The following AIFM1 variants were observed in gnomAD, a reference collection of about 807,000 sequenced individuals.
AIFM1 encodes the protein apoptosis inducing factor mitochondria associated 1.
A neutral mutation model predicts 51.7 loss-of-function variants in AIFM1; 3 were observed. The observed-to-expected ratio is 0.06, with a 90% CI of 0.03 to 0.15. The LOEUF (loss-of-function observed/expected upper bound fraction) is 0.15. AIFM1 is among the 10% of genes least tolerant of loss of function. The pLI is 1.00. For missense variants in AIFM1, 330 were observed against 476.8 expected (o/e 0.69, Z 2.87); for synonymous variants, 178 against 179.4 (o/e 0.99, Z 0.06).
At chrX:130,162,646 G>C (rs2031389343) in intron 1 of AIFM1, among the ~76,000 whole-genome samples, 2 of 112,062 alleles carry the variant, frequency 1.8e-5, no homozygotes, top group Admixed American at 9.5e-5. Context: ...AGTCACATTT[G>C]GCAGTGTCCA....
rs1175521163 is a variant in AIFM1 at position 130,130,113 on chromosome X, T to C, written c.1627A>G (p.Ile543Val). The C allele has an allele frequency of 1.6e-5, 19 of 1,209,983 alleles. 1 individual carries two copies. The highest frequency in any genetic ancestry group is 6.6e-5 in the Admixed American group (3 of 45,707). The change falls in exon 15 of 16, where the codon ATT (isoleucine) becomes GTT (valine). Residue 543 changes from isoleucine (I) to valine (V), a missense_variant. By Grantham distance (29) the Ile-to-Val change is conservative. Around this residue, in one of 4 missense-constraint regions of AIFM1, gnomAD observed 56 missense variants for 48.8 expected, o/e 1.15. Transcript: ENST00000287295. ...ETESEASEIT[I>V]PPSTPAVPQA... Reference sequence around the variant, plus strand: ...GGAACTGCCGGGGTGCTGGGAGGAATAGTAATTTCTGAGGCCTCGGACTCT... The same window carrying C: ...GGAACTGCCGGGGTGCTGGGAGGAACAGTAATTTCTGAGGCCTCGGACTCT...
rs775860841 is a variant in AIFM1, at chrX:130,130,174, C to T, written c.1574-8G>A. On this transcript the variant is annotated splice_region_variant and splice_polypyrimidine_tract_variant and intron_variant, in intron 14 of 15. Transcript: ENST00000287295. The stretch of plus-strand genomic sequence containing the variant: ...CTGATCGGATACCAGTTCCTGTGGC[C>T]AGCCCCCAAAACAAATAAACATGGA... The T allele has an allele frequency of 1.7e-6, 2 of 1,211,398 alleles. No homozygotes were observed. The highest frequency in any genetic ancestry group is 1.8e-5 in the South Asian group (1 of 56,974).
chrX:130,137,474 C>T, intron 9 of AIFM1: 1 of 1,167,639 alleles, frequency 8.6e-7, no homozygotes, highest in Non-Finnish European at 1.1e-6. Flanking sequence ...AAGTGCTTTG[C>T]AACCTCTGAA....
intron 12 of AIFM1, among the ~76,000 whole-genome samples, chrX:130,133,718 T>A (rs1414369922): frequency 9.1e-6 from 1 of 109,304 alleles, no homozygotes; most frequent in Non-Finnish European, 1.9e-5. Flanking sequence ...AGCCTGGACC[T>A]CCAGGCTCAG....
At chrX:130,163,112 C>A (rs922866850) in intron 1 of AIFM1, among the ~76,000 whole-genome samples, 1 of 109,687 alleles carries the variant, frequency 9.1e-6, no homozygotes, top group Non-Finnish European at 1.9e-5. Context: ...AGTTTGAGAC[C>A]AGCCTGGCCA....
intron 9 of AIFM1, among the ~76,000 whole-genome samples, chrX:130,138,193 T>A (rs960961537): frequency 1.8e-5 from 2 of 110,549 alleles, no homozygotes; most frequent in African/African-American, 6.6e-5. Context: ...AGGCTGGGTG[T>A]GGTGGCTCAC....
chrX:130,142,491 G>A (rs1018864431), intron 6 of AIFM1, among the ~76,000 whole-genome samples: 5 of 111,128 alleles, frequency 4.5e-5, no homozygotes, highest in Non-Finnish European at 7.5e-5. Context: ...CACCACCCCC[G>A]TCCAGCCTAT....
At chrX:130,165,416 A>G (rs763281291) in intron 1 of AIFM1, 135 bp downstream of exon 1, 3 of 561,529 alleles carry the variant, frequency 5.3e-6, no homozygotes, top group Non-Finnish European at 9.2e-6. Context: ...CAGGGTTCGG[A>G]GTCTGCCAAT....
chrX:130,136,866 A>T (rs1202387288), intron 10 of AIFM1, 135 bp from the exon 11 acceptor site: 2 of 998,594 alleles, frequency 2.0e-6, no homozygotes, highest in African/African-American at 3.8e-5. Flanking sequence ...AGCTGCAAGA[A>T]CCTACACCCA....
rs2031506209 is a variant in AIFM1 at position 130,165,611 on chromosome X, G to A, written c.46C>T (p.Leu16=). The A allele has an allele frequency of 8.3e-7, 1 of 1,203,473 alleles. No homozygotes were observed. Among genetic ancestry groups the A allele is most frequent in the Non-Finnish European group, 1.1e-6 (1 of 891,035 alleles). ...CACACGGTCCGCACCAAGGGCACCA[G>A]CTTCTGCTTCAAAGCACCCGCCGCC... ...GLAAGALKQK[L]VPLVRTVCVR... Residue 16 remains leucine (L), a synonymous_variant, in exon 1 of 16, where the codon CTG becomes TTG. Coordinates refer to ENST00000287295, the MANE Select transcript of AIFM1 (RefSeq NM_004208.4).
In AIFM1 at chrX:130,165,567, C is replaced by A; in HGVS notation, c.90G>T (p.Gln30His). 8.4e-7 allele frequency: 1 copy of A among 1,196,283 alleles called. No homozygotes were observed. Among genetic ancestry groups the A allele is most frequent in the Admixed American group, 2.3e-5 (1 of 44,390 alleles). ...GTCAGTCACCTGGGAGCCGGTTCCT[C>A]TGCCTCGGGCTTCGGACGCACACGG... is the stretch of plus-strand genomic sequence containing the variant. ...VRTVCVRSPRQRNRLPGNLFQ... is the reference protein window; with the variant it reads ...VRTVCVRSPRHRNRLPGNLFQ... Residue 30 changes from glutamine to histidine, a missense_variant, in exon 1 of 16, where the codon CAG becomes CAT. This residue lies in a region of AIFM1 where 110 missense variants were observed against 103.1 expected (regional missense o/e 1.07). Coordinates refer to ENST00000287295, the MANE Select transcript of AIFM1 (RefSeq NM_004208.4).
At chrX:130,149,802 A>T (rs2030895782) in intron 2 of AIFM1, among the ~76,000 whole-genome samples, 1 of 112,178 alleles carries the variant, frequency 8.9e-6, no homozygotes, top group Admixed American at 9.5e-5. Flanking sequence ...TCAGATTTTT[A>T]GGCTCTCTAT....
intron 2 of AIFM1, among the ~76,000 whole-genome samples, chrX:130,153,685 G>A (rs1418615091): frequency 9.0e-5 from 10 of 110,509 alleles, no homozygotes; most frequent in African/African-American, 3.3e-4. Context: ...GGAAGACACC[G>A]GAGTTCCCTT....
intron 1 of AIFM1, among the ~76,000 whole-genome samples, chrX:130,157,397 T>C (rs2031199086): frequency 1.8e-5 from 2 of 112,130 alleles, no homozygotes; most frequent in Non-Finnish European, 3.8e-5. Context: ...AAGGTCTCAG[T>C]CTCTGATTAT....
chrX:130,132,768 ACGGAGTCTCGCTCTGTCACCCAGGC>A (rs2030153145), intron 13 of AIFM1, among the ~76,000 whole-genome samples: 1 of 87,766 alleles, frequency 1.1e-5, no homozygotes, highest in Non-Finnish European at 2.1e-5. Context: ...TTTTTTTGAG[ACGGAGTCTCGCTCTGTCACCCAGGC>A]CGGAGTGCAG....
At chrX:130,137,748 A>G in intron 9 of AIFM1, 1 of 1,026,901 alleles carries the variant, frequency 9.7e-7, no homozygotes, top group Non-Finnish European at 1.2e-6. Flanking sequence ...CATAGAGGGT[A>G]GAGGAAAAGA....
intron 1 of AIFM1, 88 bp downstream of exon 1, chrX:130,165,463 G>C (rs1017908039): frequency 1.3e-6 from 1 of 779,368 alleles, no homozygotes; most frequent in Non-Finnish European, 1.9e-6. Flanking sequence ...GTTTCTCGCG[G>C]GGACGCGGGG....
At chrX:130,143,602 G>A (rs2030652550) in intron 6 of AIFM1, among the ~76,000 whole-genome samples, 1 of 110,530 alleles carries the variant, frequency 9.0e-6, no homozygotes, top group Non-Finnish European at 1.9e-5. Context: ...TGTAATCTCA[G>A]CACTTTGGGA....
chrX:130,130,252 A>G (rs2030010303), intron 14 of AIFM1, 86 bp from the exon 15 acceptor site: 2 of 1,039,079 alleles, frequency 1.9e-6, no homozygotes, highest in African/African-American at 3.7e-5. Flanking sequence ...AGAAGCCAAC[A>G]GTCTTTCGAG....
Sources: allele counts gnomAD v4.1 joint callset (sites outside exome capture counted in the v4.1 genomes callset), GRCh38; gene constraint gnomAD v4.1.1; regional missense constraint gnomAD v4.1.1; transcripts MANE v1.5; gene names NCBI Gene and HGNC (gene_info 2026-07-23, HGNC 2026-07-21).